TMEM140: variants seen among roughly 807,000 people sequenced by gnomAD.
The protein encoded by TMEM140 is transmembrane protein 140.
For synonymous variants in TMEM140, 107 were observed against 106.8 expected, an observed-to-expected ratio of 1.00 and a Z score of -0.01; for missense variants, 236 against 228.5, an observed-to-expected ratio of 1.03 and a Z score of -0.21.
intron 1 of TMEM140, among the ~76,000 whole-genome samples, chr7:135,162,506 G>C (rs1829969038): frequency 6.6e-6 from 1 of 152,234 alleles, no homozygotes; most frequent in Admixed American, 6.5e-5. Context: ...GTTCCACATG[G>C]TTAGGGAGGC....
rs546553129 is a variant in TMEM140, at chr7:135,151,553, C to G, written c.-25+3283C>G. 6.6e-6 allele frequency among the ~76,000 whole-genome samples: 1 copy of G among 152,200 alleles called. No individual in the cohort carries two copies. The highest frequency in any genetic ancestry group is 1.5e-5 in the Non-Finnish European group (1 of 68,038). On this transcript the variant is annotated intron_variant, in intron 1 of 1. Transcript: ENST00000275767. The surrounding 1 kb of genome is among the most constrained non-coding windows in gnomAD (Gnocchi z 4.3). ...CTCCTCTCTCCATTCAGGCGACACA[C>G]CCAACCATGTCTACCTGACTCTCCG...
rs751606315 is a variant in TMEM140 at position 135,161,454 on chromosome 7, CCTT to C, written c.-24-2960_-24-2958del. 7.2e-5 allele frequency among the ~76,000 whole-genome samples: 11 copies of C among 152,160 alleles called. No individual in the cohort carries two copies. Among genetic ancestry groups the C allele is most frequent in the South Asian group, 2.1e-4 (1 of 4,826 alleles). On this transcript the variant is annotated intron_variant, in intron 1 of 1. Transcript: ENST00000275767. This position sits in a 1 kb window ranked among gnomAD's most constrained non-coding sequence, Gnocchi z 4.1. ...GTCCTGAACAATGGAGGAGGTCAAACCTTCTTTTCCACAGCATGATGGTATAAA... is the reference window on the plus strand; with the variant it reads ...GTCCTGAACAATGGAGGAGGTCAAACCTTTTCCACAGCATGATGGTATAAA...
Position 135,164,817 on chromosome 7 carries a change from C to T in TMEM140, c.376C>T (p.Leu126=). The change falls in exon 2 of 2, where the codon CTG becomes TTG. Residue 126 remains leucine, a synonymous_variant. Coordinates refer to ENST00000275767, the MANE Select transcript of TMEM140 (RefSeq NM_018295.5). The part of the protein sequence containing the change: ...AVGFLAVSSV[L]LAGGLGLFLS... ...GGGCTTCCTGGCTGTGTCCTCTGTG[C>T]TGCTGGCAGGCGGCCTGGGCCTCTT... 2 of 1,614,080 alleles carry T rather than the reference C, an allele frequency of 1.2e-6. No individual in the cohort carries two copies. The highest frequency in any genetic ancestry group is 1.7e-5 in the Admixed American group (1 of 60,026).
chr7:135,158,039 C>T (rs968302561), intron 1 of TMEM140, among the ~76,000 whole-genome samples: 2 of 151,778 alleles, frequency 1.3e-5, no homozygotes, highest in African/African-American at 2.4e-5. Context: ...TAGGTATGTG[C>T]GGGAGAGCAT....
chr7:135,159,539 G>A (rs1829876680), intron 1 of TMEM140, among the ~76,000 whole-genome samples: 1 of 152,152 alleles, frequency 6.6e-6, no homozygotes. Flanking sequence ...GCCCTGCTCA[G>A]GCTGTAACTC....
chr7:135,152,940 G>C (rs540275337), intron 1 of TMEM140: 1 of 152,282 alleles, frequency 6.6e-6, no homozygotes, highest in South Asian at 2.1e-4. Context: ...CTATGCATCT[G>C]ACCAAGGACT....
At chr7:135,159,744 A>G (rs1398765184) in intron 1 of TMEM140, among the ~76,000 whole-genome samples, 1 of 152,266 alleles carries the variant, frequency 6.6e-6, no homozygotes, top group Non-Finnish European at 1.5e-5. Context: ...TAAAATAGCA[A>G]AAGAACTGAC....
chr7:135,165,717 A>G lies in TMEM140; in HGVS notation c.*718A>G, dbSNP rs1646982. 0.94 allele frequency: 156,469 copies of G among 167,064 alleles called. 74,100 individuals carry two copies. Among genetic ancestry groups the G allele is most frequent in the Non-Finnish European group, 1 (68,012 of 68,116 alleles). 10.3% of individuals were successfully genotyped at this position (167,064 alleles called of 1,614,324 possible). ...GCTGTGAACAGGACTGGACGGCTGCACACAAACAAACGCTGCCACCCTCCA... is the reference window on the plus strand; with the variant it reads ...GCTGTGAACAGGACTGGACGGCTGCGCACAAACAAACGCTGCCACCCTCCA... On this transcript the variant is annotated 3_prime_UTR_variant, in exon 2 of 2. Coordinates refer to ENST00000275767, the MANE Select transcript of TMEM140 (RefSeq NM_018295.5).
intron 1 of TMEM140, among the ~76,000 whole-genome samples, chr7:135,160,625 G>A (rs531466615): frequency 6.6e-6 from 1 of 152,070 alleles, no homozygotes; most frequent in African/African-American, 2.4e-5. Flanking sequence ...GCATGCATAC[G>A]ACATTAAACA....
Position 135,164,661 on chromosome 7 carries a change from G to A in TMEM140, c.220G>A (p.Gly74Arg), listed in dbSNP as rs374654185. 1.9e-6 allele frequency: 3 copies of A among 1,613,296 alleles called. No homozygotes were observed. The African/African-American group carries it at 4.0e-5, about 22-fold the overall frequency. The part of the protein sequence containing the change: ...CHQFPELEAL[G>R]VPRVGLGLAR... The stretch of plus-strand genomic sequence containing the variant: ...CCAGTTCCCTGAGCTGGAAGCCCTG[G>A]GGGTGCCTCGGGTTGGCCTGGGCCT... The change falls in exon 2 of 2, where the codon GGG (glycine) becomes AGG (arginine). Residue 74 changes from glycine (G) to arginine (R), a missense_variant. By Grantham distance (125) the Gly-to-Arg change is moderately radical. Coordinates refer to ENST00000275767, the MANE Select transcript of TMEM140 (RefSeq NM_018295.5).
chr7:135,165,018 G>C lies in TMEM140; in HGVS notation c.*19G>C. ...CTGCTAAAGGCTTACGTGATTGCAAGGGTTCAGTTCCAACCATGGTCAGAG... is the reference window on the plus strand; with the variant it reads ...CTGCTAAAGGCTTACGTGATTGCAACGGTTCAGTTCCAACCATGGTCAGAG... On this transcript the variant is annotated 3_prime_UTR_variant, in exon 2 of 2. Coordinates refer to ENST00000275767, the MANE Select transcript of TMEM140 (RefSeq NM_018295.5). 6.4e-7 allele frequency: 1 copy of C among 1,556,608 alleles called. No individual in the cohort carries two copies. Among genetic ancestry groups the C allele is most frequent in the South Asian group, 1.2e-5 (1 of 82,482 alleles).
chr7:135,160,917 G>A (rs1396533059), intron 1 of TMEM140, among the ~76,000 whole-genome samples: 3 of 152,200 alleles, frequency 2.0e-5, no homozygotes, highest in Non-Finnish European at 4.4e-5. Flanking sequence ...GAAGCAGAAA[G>A]TAGAGTAGGA....
Position 135,164,582 on chromosome 7 carries a change from C to T in TMEM140, c.141C>T (p.Ile47=), listed in dbSNP as rs372487841. ...TCACTGACCTGCCCAACCTGAGAAT[C>T]GGCTTCTATAACTTCTGCCTGTGGA... ...GNLTDLPNLR[I]GFYNFCLWNE... The change falls in exon 2 of 2, where the codon ATC becomes ATT. Residue 47 remains isoleucine (I), a synonymous_variant. Coordinates refer to ENST00000275767, the MANE Select transcript of TMEM140 (RefSeq NM_018295.5). The T allele has an allele frequency of 1.2e-5, 20 of 1,614,108 alleles. No individual in the cohort carries two copies. The highest frequency in any genetic ancestry group is 3.3e-5 in the Admixed American group (2 of 60,012).
At chr7:135,159,779 A>G (rs1585353456) in intron 1 of TMEM140, among the ~76,000 whole-genome samples, 1 of 152,252 alleles carries the variant, frequency 6.6e-6, no homozygotes, top group Non-Finnish European at 1.5e-5. Flanking sequence ...GAAGAAATAC[A>G]GATGGTCAAC....
Position 135,164,531 on chromosome 7 carries a change from C to A in TMEM140, c.90C>A (p.Tyr30Ter). 6.2e-7 allele frequency: 1 copy of A among 1,614,160 alleles called. No individual in the cohort carries two copies. Among genetic ancestry groups the A allele is most frequent in the East Asian group, 2.2e-5 (1 of 44,886 alleles). Reference protein sequence around the residue: ...LVIVVICLMFYALLWEAGNLT... With the variant: ...LVIVVICLMF ...TTGTGGTCATCTGCCTGATGTTTTA[C>A]GCTCTTCTCTGGGAGGCTGGCAACC... Residue 30 changes from tyrosine (Y) to a stop codon, truncating the protein, a stop_gained, in exon 2 of 2, where the codon TAC (tyrosine) becomes TAA (stop). Coordinates refer to ENST00000275767, the MANE Select transcript of TMEM140 (RefSeq NM_018295.5). LOFTEE classifies it low-confidence loss of function (END_TRUNC).
chr7:135,154,818 A>G (rs1829749506), intron 1 of TMEM140, among the ~76,000 whole-genome samples: 1 of 152,214 alleles, frequency 6.6e-6, no homozygotes, highest in South Asian at 2.1e-4. Context: ...AATAATGTAT[A>G]TTCTGTAGTT....
intron 1 of TMEM140, among the ~76,000 whole-genome samples, chr7:135,163,883 C>G (rs1681637617): frequency 6.6e-6 from 1 of 152,206 alleles, no homozygotes; most frequent in South Asian, 2.1e-4. Flanking sequence ...TTCAGAAACA[C>G]ACCAGTGCCC....
At chr7:135,148,700 AAC>A (rs752655751) in intron 1 of TMEM140, among the ~76,000 whole-genome samples, 25 of 152,360 alleles carry the variant, frequency 1.6e-4, no homozygotes, top group Non-Finnish European at 3.4e-4. Context: ...GGTAGTTACG[AAC>A]ACATCATAAA....
rs181519334 is a variant in TMEM140, at chr7:135,164,271, C to T, written c.-24-147C>T. ...CAAATAGGTCCTGGCAGGAGGTTAC[C>T]TCAGACTTCTGGTCCTTGGTGGAGG... On this transcript the variant is annotated intron_variant, in intron 1 of 1. Coordinates refer to ENST00000275767, the MANE Select transcript of TMEM140 (RefSeq NM_018295.5). 1.8e-4 allele frequency: 110 copies of T among 621,982 alleles called. 1 individual carries two copies. Among genetic ancestry groups the T allele is most frequent in the Non-Finnish European group, 9.3e-5 (34 of 366,328 alleles). 38.5% of individuals were successfully genotyped at this position (621,982 alleles called of 1,614,324 possible). A position where few individuals can be genotyped will look rare whatever the true frequency, so the allele number is the denominator to read the frequency against.
Sources: allele counts gnomAD v4.1 joint callset (sites outside exome capture counted in the v4.1 genomes callset), GRCh38; gene constraint gnomAD v4.1.1; non-coding constraint Gnocchi (gnomAD v3.1); transcripts MANE v1.5; gene names NCBI Gene and HGNC (gene_info 2026-07-23, HGNC 2026-07-21).